Variants in VWA8 observed in about 807,000 individuals in gnomAD.
VWA8 encodes von Willebrand factor A domain containing 8, also known as von Willebrand factor A domain-containing protein 8.
VWA8 carries 221 observed loss-of-function variants against 241.5 expected under a neutral mutation model. That is an observed-to-expected ratio of 0.91 (90% CI 0.82 to 1.02). VWA8 has a LOEUF of 1.02. Among genes scored for constraint, VWA8 ranks in the 50% least tolerant of loss-of-function variants. The pLI is 0.00. For missense variants in VWA8, 2,322 were observed against 2,328.7 expected (o/e 1.00, Z 0.06); for synonymous variants, 852 against 827.1 (o/e 1.03, Z -0.52).
chr13:41,878,626 C>A (rs1006399529), intron 9 of VWA8, among the ~76,000 whole-genome samples: 1 of 152,104 alleles, frequency 6.6e-6, no homozygotes, highest in African/African-American at 2.4e-5. Flanking sequence ...GAGAAGACAG[C>A]CATACTTTCT....
intron 12 of VWA8, among the ~76,000 whole-genome samples, chr13:41,836,085 A>G (rs565010011): frequency 6.6e-6 from 1 of 152,326 alleles, no homozygotes; most frequent in South Asian, 2.1e-4. Flanking sequence ...TGATTCTGAT[A>G]TGCCTCCCAC....
intron 21 of VWA8, among the ~76,000 whole-genome samples, chr13:41,739,828 TTTTTTTTTTTGTTTTTTTTGTTTTTTTTG>T (rs1566436326): frequency 3.6e-4 from 26 of 73,204 alleles, no homozygotes; most frequent in African/African-American, 8.7e-5. Flanking sequence ...TGTTTTTTTG[TTTTTTTTTTTGTTTTTTTTGTTTTTTTTG>T]TTTTTTTTTT....
At position 41,744,463 on chromosome 13, in the gene VWA8, T is replaced by C. The variant is rs568478743; in HGVS notation, c.2427-12308A>G. Among the ~76,000 whole-genome samples, 24 of 152,324 alleles carry C rather than the reference T, an allele frequency of 1.6e-4. No homozygotes were observed. The South Asian group carries it at 4.3e-3, about 28-fold the overall frequency. Reference sequence around the variant, plus strand: ...AGGAAGTTGTGAACTGAACAACCCATAAATAAATAAATCTACTTACTACTA... The same window carrying C: ...AGGAAGTTGTGAACTGAACAACCCACAAATAAATAAATCTACTTACTACTA... On this transcript the variant is annotated intron_variant, in intron 21 of 44. Coordinates refer to ENST00000379310, the MANE Select transcript of VWA8 (RefSeq NM_015058.2).
rs1255791807 is a variant in VWA8 at position 41,881,379 on chromosome 13, G to A, written c.1080+2008C>T. Among the ~76,000 whole-genome samples the A allele has an allele frequency of 1.8e-4, 9 of 49,282 alleles. No homozygotes were observed. The East Asian group carries it at 2.7e-3, about 15-fold the overall frequency. 32.3% of individuals were successfully genotyped at this position (49,282 alleles called of 152,430 possible). On this transcript the variant is annotated intron_variant, in intron 9 of 44. Transcript: ENST00000379310. ...ATCATAGTTTTTTTTTGCCGGGGGG[G>A]GGGGGGGGGGGGTAAGGTCACAGAT...
At chr13:41,739,841 TTTTTTTGTTTTTTTTG>T (rs1566436391) in intron 21 of VWA8, among the ~76,000 whole-genome samples, 14 of 55,444 alleles carry the variant, frequency 2.5e-4, no homozygotes, top group Admixed American at 2.4e-3. Context: ...TTTTTTTTGT[TTTTTTTGTTTTTTTTG>T]TTTTTTTTTT....
intron 2 of VWA8, among the ~76,000 whole-genome samples, chr13:41,935,330 A>G (rs556075874): frequency 2.1e-4 from 32 of 152,216 alleles, no homozygotes; most frequent in African/African-American, 7.5e-4. Flanking sequence ...GACAATGACA[A>G]CCACAAACAT....
Position 41,675,270 on chromosome 13 carries a change from A to T in VWA8, c.4354T>A (p.Tyr1452Asn), listed in dbSNP as rs768097273. Residue 1452 changes from tyrosine (Y) to asparagine (N), a missense_variant, in exon 36 of 45, where the codon TAT becomes AAT. Coordinates refer to ENST00000379310, the MANE Select transcript of VWA8 (RefSeq NM_015058.2). Reference sequence around the variant, plus strand: ...GATTGAAGATCAGTGACTTCTATATAACCAGATGTTTGTGGAGGAGTAACA... The same window carrying T: ...GATTGAAGATCAGTGACTTCTATATTACCAGATGTTTGTGGAGGAGTAACA... ...KDVTPPQTSGYIEVTDLQSKK... is the reference protein window; with the variant it reads ...KDVTPPQTSGNIEVTDLQSKK... 15 of 1,613,016 alleles carry T rather than the reference A, an allele frequency of 9.3e-6. No homozygotes were observed. The African/African-American group carries it at 1.7e-4, about 19-fold the overall frequency.
At chr13:41,923,202 G>A (rs528890727) in intron 2 of VWA8, among the ~76,000 whole-genome samples, 41 of 152,094 alleles carry the variant, frequency 2.7e-4, no homozygotes, top group Non-Finnish European at 4.4e-4. Flanking sequence ...AACAAACACC[G>A]CATGTTCTCA....
intron 12 of VWA8, among the ~76,000 whole-genome samples, chr13:41,847,107 G>C (rs1194317163): frequency 2.0e-5 from 3 of 152,088 alleles, no homozygotes; most frequent in Admixed American, 1.3e-4. Context: ...GAGAGAAAGA[G>C]AGAGAACCAG....
intron 12 of VWA8, among the ~76,000 whole-genome samples, chr13:41,862,100 C>A (rs1873033148): frequency 6.6e-6 from 1 of 152,048 alleles, no homozygotes; most frequent in South Asian, 2.1e-4. Flanking sequence ...AAAACAGATA[C>A]CTAGACCAAT....
At chr13:41,732,212 A>C in intron 21 of VWA8, 57 bp from the exon 22 acceptor site, 5 of 1,517,970 alleles carry the variant, frequency 3.3e-6, no homozygotes, top group Non-Finnish European at 4.5e-6. Flanking sequence ...ATGATTGATC[A>C]TGATAAAAAT....
intron 35 of VWA8, among the ~76,000 whole-genome samples, chr13:41,680,804 C>T (rs945355361): frequency 1.3e-5 from 2 of 152,016 alleles, no homozygotes; most frequent in African/African-American, 2.4e-5. Context: ...ATTCATAGCA[C>T]CATTATTTGT....
At chr13:41,746,173 G>C (rs1443621278) in intron 21 of VWA8, among the ~76,000 whole-genome samples, 1 of 152,102 alleles carries the variant, frequency 6.6e-6, no homozygotes, top group African/African-American at 2.4e-5. Flanking sequence ...TTATATATTT[G>C]TATTTACATT....
At chr13:41,647,833 T>G (rs940899094) in intron 37 of VWA8, among the ~76,000 whole-genome samples, 1 of 151,954 alleles carries the variant, frequency 6.6e-6, no homozygotes, top group African/African-American at 2.4e-5. Context: ...CTACTAAAAA[T>G]ACAAAAATTA....
At chr13:41,658,681 C>T (rs1241600024) in intron 37 of VWA8, among the ~76,000 whole-genome samples, 3 of 152,224 alleles carry the variant, frequency 2.0e-5, no homozygotes, top group Non-Finnish European at 4.4e-5. Flanking sequence ...CTCAGCCTCA[C>T]AGTTGCCCAG....
chr13:41,706,437 C>T (rs1407069747), intron 26 of VWA8, among the ~76,000 whole-genome samples: 2 of 152,194 alleles, frequency 1.3e-5, no homozygotes, highest in African/African-American at 4.8e-5. Context: ...CTGACTCCAT[C>T]CTGTCCCTTG....
intron 21 of VWA8, among the ~76,000 whole-genome samples, 184 bp downstream of exon 21, chr13:41,760,944 C>T (rs2045734565): frequency 6.6e-6 from 1 of 151,902 alleles, no homozygotes; most frequent in South Asian, 2.1e-4. Flanking sequence ...AAGCATTAGC[C>T]ACTTTAAAAA....
intron 26 of VWA8, 152 bp from the exon 27 acceptor site, chr13:41,703,563 T>A (rs968573410): frequency 1.1e-5 from 7 of 638,016 alleles, no homozygotes; most frequent in Non-Finnish European, 1.9e-5. Flanking sequence ...CGACAGTGTA[T>A]AAAATCATGT....
intron 9 of VWA8, among the ~76,000 whole-genome samples, chr13:41,882,125 G>A (rs1417566849): frequency 6.6e-6 from 1 of 150,990 alleles, no homozygotes; most frequent in Non-Finnish European, 1.5e-5. Flanking sequence ...CCTCCCAGAC[G>A]GGGTCGCGGC....
Sources: gnomAD v4.1 joint callset for allele counts (sites outside exome capture counted in the v4.1 genomes callset) on GRCh38, gnomAD v4.1.1 for gene constraint, MANE v1.5 for transcripts, NCBI Gene and HGNC (gene_info 2026-07-23, HGNC 2026-07-21) for gene names.